STAG2: variants seen among roughly 807,000 people sequenced by gnomAD.
STAG2 encodes cohesin subunit SA-2.
A neutral mutation model predicts 108.1 loss-of-function variants in STAG2; 14 were observed. That is an observed-to-expected ratio of 0.13 (90% CI 0.09 to 0.20). STAG2 has a LOEUF of 0.20. Ranked by LOEUF, STAG2 falls within the 10% of genes least tolerant of loss-of-function variation. The pLI is 1.00. For missense variants in STAG2, 440 were observed against 940.9 expected (o/e 0.47, Z 6.96); for synonymous variants, 307 against 302.7 (o/e 1.01, Z -0.15).
intron 30 of STAG2, 123 bp from the exon 31 acceptor site, chrX:124,090,452 G>C (rs1013053678): frequency 3.5e-6 from 2 of 577,683 alleles, no homozygotes; most frequent in Admixed American, 6.0e-5. Context: ...ATAGGTTTGT[G>C]TCCCCCGTTC....
Position 124,086,700 on chromosome X carries a change from A to T in STAG2, c.3207A>T (p.Thr1069=). Residue 1069 remains threonine, a synonymous_variant, in exon 30 of 35, where the codon ACA becomes ACT. Transcript: ENST00000371145. Reference sequence around the variant, plus strand: ...GTGGAATCAGCAGCCGGGGGTCAACAGTACGGAGTAAAAAATCAAAACCAT... The same window carrying T: ...GTGGAATCAGCAGCCGGGGGTCAACTGTACGGAGTAAAAAATCAAAACCAT... The part of the protein sequence containing the change: ...VISGISSRGS[T]VRSKKSKPST... 8.3e-7 allele frequency: 1 copy of T among 1,211,224 alleles called. No homozygotes were observed. The highest frequency in any genetic ancestry group is 1.8e-5 in the South Asian group (1 of 56,864).
intron 4 of STAG2, 86 bp from the exon 5 acceptor site, chrX:124,030,875 T>C: frequency 1.0e-6 from 1 of 986,718 alleles, no homozygotes. Context: ...GCATGTTATG[T>C]ACCCTATCAG....
intron 1 of STAG2, among the ~76,000 whole-genome samples, chrX:123,970,134 A>G (rs961943741): frequency 1.8e-5 from 2 of 108,835 alleles, no homozygotes; most frequent in Non-Finnish European, 3.8e-5. Flanking sequence ...CATTCCTTTA[A>G]GCTTTAACAT....
chrX:124,063,961 A>G lies in STAG2; in HGVS notation c.1935A>G (p.Thr645=), dbSNP rs1233235301. The G allele has an allele frequency of 8.3e-7, 1 of 1,209,289 alleles. No individual in the cohort carries two copies. The highest frequency in any genetic ancestry group is 3.0e-5 in the East Asian group (1 of 33,833). The change falls in exon 20 of 35, where the codon ACA becomes ACG. Residue 645 remains threonine (T), a synonymous_variant. Transcript: ENST00000371145. The stretch of plus-strand genomic sequence containing the variant: ...ATGCACTCTGTAATGAAGAGTTCAC[A>G]ATCTTCAACAGAGTAGATATTTCAA... ...TYHALCNEEF[T]IFNRVDISRS...
intron 13 of STAG2, among the ~76,000 whole-genome samples, chrX:124,051,931 C>T (rs772622853): frequency 2.7e-5 from 3 of 112,298 alleles, no homozygotes; most frequent in Non-Finnish European, 5.6e-5. Context: ...CATGTGTTCC[C>T]ATTCTCTTGG....
At chrX:124,008,889 A>AT (rs765073397) in intron 1 of STAG2, among the ~76,000 whole-genome samples, 4 of 109,981 alleles carry the variant, frequency 3.6e-5, no homozygotes, top group South Asian at 3.8e-4. Context: ...ATTATAACAC[A>AT]TTTTTTTTTG....
chrX:124,036,247 A>C (rs1043226073), intron 5 of STAG2, among the ~76,000 whole-genome samples: 7 of 112,001 alleles, frequency 6.2e-5, no homozygotes, highest in Non-Finnish European at 1.3e-4. Context: ...CATTGTTTGT[A>C]CCTGGATTTC....
At chrX:123,976,709 A>G (rs1046250156) in intron 1 of STAG2, among the ~76,000 whole-genome samples, 1 of 111,857 alleles carries the variant, frequency 8.9e-6, no homozygotes, top group African/African-American at 3.2e-5. Flanking sequence ...GCTCCCTAAC[A>G]TTTAATTTTT....
At chrX:123,988,177 G>A (rs1173513362) in intron 1 of STAG2, among the ~76,000 whole-genome samples, 1 of 111,494 alleles carries the variant, frequency 9.0e-6, no homozygotes, top group Non-Finnish European at 1.9e-5. Flanking sequence ...AAACAGTCAG[G>A]GGTTCCACCT....
At position 123,989,607 on chromosome X, in the gene STAG2, C is replaced by CTT. The variant is rs754131782; in HGVS notation, c.-163+27765_-163+27766dup. On this transcript the variant is annotated intron_variant, in intron 1 of 34. Coordinates refer to ENST00000371145, the MANE Select transcript of STAG2 (RefSeq NM_001042750.2). ...ATATAATTATTTTCTTTTTTTCTTTCTTTTTTTTTTTTTTTGAGACAGAAT... is the reference window on the plus strand; with the variant it reads ...ATATAATTATTTTCTTTTTTTCTTTCTTTTTTTTTTTTTTTTTGAGACAGAAT... Among the ~76,000 whole-genome samples the CTT allele has an allele frequency of 8.2e-4, 79 of 96,751 alleles. 1 individual carries two copies. Among genetic ancestry groups the CTT allele is most frequent in the African/African-American group, 2.7e-3 (73 of 26,803 alleles). 84.0% of individuals were successfully genotyped at this position (96,751 alleles called of 115,157 possible). A position where few individuals can be genotyped will look rare whatever the true frequency, so the allele number is the denominator to read the frequency against.
At chrX:123,990,011 A>T (rs2055374968) in intron 1 of STAG2, among the ~76,000 whole-genome samples, 1 of 112,076 alleles carries the variant, frequency 8.9e-6, no homozygotes, top group South Asian at 3.7e-4. Flanking sequence ...CTTGACTGCA[A>T]GTTGTCCAGG....
At chrX:124,097,779 C>T in intron 34 of STAG2, 1 of 276,599 alleles carries the variant, frequency 3.6e-6, no homozygotes, top group South Asian at 3.3e-5. Context: ...TAGCAAGTGT[C>T]CGAGTAGTAA....
At chrX:123,988,842 G>C (rs1299482682) in intron 1 of STAG2, among the ~76,000 whole-genome samples, 1 of 111,440 alleles carries the variant, frequency 9.0e-6, no homozygotes, top group Non-Finnish European at 1.9e-5. Context: ...TTGGTGGTTT[G>C]AAAACTTAGA....
intron 15 of STAG2, among the ~76,000 whole-genome samples, chrX:124,059,736 T>C (rs776584972): frequency 1.9e-4 from 21 of 111,663 alleles, no homozygotes; most frequent in African/African-American, 6.2e-4. Context: ...TCATAGCTCA[T>C]TGCAGCCTTG....
chrX:124,029,962 G>A (rs1249567097), intron 4 of STAG2, among the ~76,000 whole-genome samples: 5 of 110,074 alleles, frequency 4.5e-5, no homozygotes, highest in African/African-American at 1.7e-4. Context: ...CCCTACCCGC[G>A]CGTCCCCACC....
intron 1 of STAG2, among the ~76,000 whole-genome samples, chrX:123,974,299 C>G (rs1340474756): frequency 9.5e-6 from 1 of 105,133 alleles, no homozygotes; most frequent in African/African-American, 3.5e-5. Context: ...GTGGCACAAT[C>G]TTGGCTTACT....
chrX:124,006,935 A>G (rs180673009), intron 1 of STAG2, among the ~76,000 whole-genome samples: 129 of 111,751 alleles, frequency 1.2e-3, no homozygotes, highest in Admixed American at 2.1e-3. Flanking sequence ...AAAGAAAATA[A>G]CTTCAGAAAA....
chrX:124,087,940 T>C (rs752639983), intron 30 of STAG2, among the ~76,000 whole-genome samples: 1 of 112,446 alleles, frequency 8.9e-6, no homozygotes, highest in South Asian at 3.7e-4. Flanking sequence ...TTTACACTGG[T>C]TAGTTATATA....
At chrX:124,053,519 G>A (rs2058103036) in intron 13 of STAG2, among the ~76,000 whole-genome samples, 1 of 111,010 alleles carries the variant, frequency 9.0e-6, no homozygotes, top group South Asian at 3.7e-4. Context: ...TCATGTAAGA[G>A]TTGCCAGAAG....
Sources: allele counts gnomAD v4.1 joint callset (sites outside exome capture counted in the v4.1 genomes callset), GRCh38; gene constraint gnomAD v4.1.1; transcripts MANE v1.5; gene names NCBI Gene and HGNC (gene_info 2026-07-23, HGNC 2026-07-21).